FANCL: variants seen among roughly 807,000 people sequenced by gnomAD.
FANCL encodes the protein E3 ubiquitin-protein ligase FANCL.
FANCL carries 69 observed loss-of-function variants against 59.4 expected under a neutral mutation model. The ratio of observed to expected loss-of-function variants is 1.16; its 90% confidence interval spans 0.96 to 1.42. The LOEUF is 1.42. Among genes scored for constraint, FANCL ranks in the 40% most tolerant of loss-of-function variants. FANCL has a pLI of 0.00. For synonymous variants in FANCL, 180 were observed against 147.1 expected (o/e 1.22, Z -1.62); for missense variants, 519 against 447.2 (o/e 1.16, Z -1.45).
Position 58,163,249 on chromosome 2 carries a change from CTA to C in FANCL, c.776-177_776-176del, listed in dbSNP as rs140863033. The C allele has an allele frequency of 4.2e-3, 3,085 of 740,250 alleles. 8 individuals carry two copies. Among genetic ancestry groups the C allele is most frequent in the Non-Finnish European group, 5.9e-3 (2,610 of 441,542 alleles). 45.9% of individuals were successfully genotyped at this position (740,250 alleles called of 1,614,324 possible). A position where few individuals can be genotyped will look rare whatever the true frequency, so the allele number is the denominator to read the frequency against. ...GCTGAGACATTGTCATTTAAAATAA[CTA>C]TCATTATTGCGGTGAACCGAGATCG... is the stretch of plus-strand genomic sequence containing the variant. On this transcript the variant is annotated intron_variant, in intron 9 of 13. Transcript: ENST00000233741.
chr2:58,202,239 TA>T (rs5831491), intron 6 of FANCL, among the ~76,000 whole-genome samples: 99 of 106,088 alleles, frequency 9.3e-4, no homozygotes, highest in East Asian at 1.3e-3. Context: ...ACCTTTTTCC[TA>T]AAAAAAAAAA....
chr2:58,195,009 G>A (rs1689295973), intron 7 of FANCL, among the ~76,000 whole-genome samples: 3 of 150,886 alleles, frequency 2.0e-5, no homozygotes, highest in Non-Finnish European at 4.4e-5. Context: ...AAAGCAGAAA[G>A]GGATTTTTAA....
At chr2:58,197,057 C>T (rs1410938810) in intron 7 of FANCL, among the ~76,000 whole-genome samples, 2 of 151,034 alleles carry the variant, frequency 1.3e-5, no homozygotes, top group Non-Finnish European at 3.0e-5. Context: ...TAGTATTTTA[C>T]TTATAGCATA....
intron 7 of FANCL, among the ~76,000 whole-genome samples, chr2:58,166,999 G>C (rs1686017898): frequency 6.6e-6 from 1 of 152,296 alleles, no homozygotes; most frequent in East Asian, 1.9e-4. Context: ...AGATCACGAG[G>C]TCAAGAGATA....
rs116813954 is a variant in FANCL, at chr2:58,234,349, G to T, written c.97-2237C>A. On this transcript the variant is annotated intron_variant, in intron 1 of 13. Transcript: ENST00000233741. ...AAACGCAGGGTGAAATGAAAATAAA[G>T]AAAAACACAAAATTATATGAAAGTG... Among the ~76,000 whole-genome samples the T allele has an allele frequency of 4.2e-3, 631 of 151,450 alleles. 7 individuals carry two copies. Among genetic ancestry groups the T allele is most frequent in the African/African-American group, 0.015 (600 of 41,340 alleles).
intron 1 of FANCL, among the ~76,000 whole-genome samples, chr2:58,241,006 G>C (rs905278309): frequency 2.6e-5 from 4 of 152,218 alleles, no homozygotes; most frequent in Non-Finnish European, 5.9e-5. Flanking sequence ...TCCACGCCGC[G>C]CGCCTCCTCG....
chr2:58,173,513 A>T (rs1183991369), intron 7 of FANCL, among the ~76,000 whole-genome samples: 2 of 152,192 alleles, frequency 1.3e-5, no homozygotes, highest in African/African-American at 2.4e-5. Flanking sequence ...TTTTCAACCC[A>T]GAATTTCATA....
chr2:58,211,067 T>G (rs889840222), intron 5 of FANCL, among the ~76,000 whole-genome samples: 1 of 152,170 alleles, frequency 6.6e-6, no homozygotes, highest in Non-Finnish European at 1.5e-5. Context: ...GGTGCCTCAG[T>G]AGGGACTCTG....
chr2:58,183,039 A>G (rs1688075721), intron 7 of FANCL, among the ~76,000 whole-genome samples: 1 of 151,864 alleles, frequency 6.6e-6, no homozygotes, highest in Admixed American at 6.6e-5. Flanking sequence ...GAGTAAATGT[A>G]TAAAAATTGG....
intron 5 of FANCL, among the ~76,000 whole-genome samples, chr2:58,211,777 G>C (rs964657981): frequency 6.6e-6 from 1 of 152,140 alleles, no homozygotes; most frequent in Non-Finnish European, 1.5e-5. Context: ...AATACCACCA[G>C]CCTCTTTGCT....
chr2:58,203,409 A>T (rs566936529), intron 6 of FANCL, among the ~76,000 whole-genome samples: 44 of 147,354 alleles, frequency 3.0e-4, no homozygotes, highest in South Asian at 1.5e-3. Context: ...AAGAATAATT[A>T]AAAAAAAAAA....
At chr2:58,209,229 G>C (rs967800122) in intron 5 of FANCL, among the ~76,000 whole-genome samples, 1 of 152,110 alleles carries the variant, frequency 6.6e-6, no homozygotes, top group African/African-American at 2.4e-5. Flanking sequence ...GTATGTGTCA[G>C]TGTACCATGT....
chr2:58,241,324 C>G lies in FANCL; in HGVS notation c.-11G>C, dbSNP rs1215633505. ...TTCCGTCACCGCCATGGCTCGAAGTCCGGAGAAACACAGAAAAGCTCTAGA... is the reference window on the plus strand; with the variant it reads ...TTCCGTCACCGCCATGGCTCGAAGTGCGGAGAAACACAGAAAAGCTCTAGA... On this transcript the variant is annotated 5_prime_UTR_variant, in exon 1 of 14. Coordinates refer to ENST00000233741, the MANE Select transcript of FANCL (RefSeq NM_018062.4). 5 of 1,613,714 alleles carry G rather than the reference C, an allele frequency of 3.1e-6. No individual in the cohort carries two copies. The highest frequency in any genetic ancestry group is 4.2e-6 in the Non-Finnish European group (5 of 1,179,804).
chr2:58,187,272 G>A (rs1035801320), intron 7 of FANCL, among the ~76,000 whole-genome samples: 5 of 151,986 alleles, frequency 3.3e-5, no homozygotes, highest in African/African-American at 4.8e-5. Flanking sequence ...GTTGGGACAC[G>A]GATGAAGCTG....
intron 7 of FANCL, among the ~76,000 whole-genome samples, chr2:58,196,006 C>T (rs550606283): frequency 5.3e-5 from 8 of 152,232 alleles, no homozygotes; most frequent in African/African-American, 1.9e-4. Flanking sequence ...ATAACCTTAT[C>T]AGTAGTGCTA....
At chr2:58,162,736 G>T in intron 11 of FANCL, 130 bp downstream of exon 11, 1 of 798,082 alleles carries the variant, frequency 1.3e-6, no homozygotes, top group Non-Finnish European at 2.1e-6. Flanking sequence ...GTTTTTTGAT[G>T]CAGATCAGAA....
Position 58,207,175 on chromosome 2 carries a change from T to C in FANCL, c.375-2949A>G, listed in dbSNP as rs933150756. Among the ~76,000 whole-genome samples, 7 of 152,252 alleles carry C rather than the reference T, an allele frequency of 4.6e-5. No homozygotes were observed. In the Middle Eastern group the frequency reaches 0.01, roughly 223 times the overall value. ...TATAACAGAACTATGCTTTCCTCTC[T>C]TCCCTCCTCTTACTCTCCTTTCCTG... On this transcript the variant is annotated intron_variant, in intron 5 of 13. Transcript: ENST00000233741.
intron 7 of FANCL, among the ~76,000 whole-genome samples, chr2:58,180,069 A>G (rs1687775595): frequency 6.6e-6 from 1 of 152,182 alleles, no homozygotes; most frequent in South Asian, 2.1e-4. Flanking sequence ...AAGTCAGGAA[A>G]CAACAGATGC....
Position 58,205,247 on chromosome 2 carries a change from A to C in FANCL, c.375-1021T>G, listed in dbSNP as rs116236096. Among the ~76,000 whole-genome samples, 874 of 152,188 alleles carry C rather than the reference A, an allele frequency of 5.7e-3. 3 individuals are homozygous for C. Among genetic ancestry groups the C allele is most frequent in the Non-Finnish European group, 9.5e-3 (648 of 67,942 alleles). On this transcript the variant is annotated intron_variant, in intron 5 of 13. Transcript: ENST00000233741. ...CATGGGCTAATTTCAAGAAATGCAC[A>C]ATGAAGTTGTGAAACACTGTAATGA...
Sources: allele counts gnomAD v4.1 joint callset (sites outside exome capture counted in the v4.1 genomes callset), GRCh38; gene constraint gnomAD v4.1.1; transcripts MANE v1.5; gene names NCBI Gene and HGNC (gene_info 2026-07-23, HGNC 2026-07-21).